SCRG1: variants seen among roughly 807,000 people sequenced by gnomAD.
SCRG1 encodes the protein scrapie-responsive protein 1.
In SCRG1, 3 loss-of-function variants were observed where a neutral mutation model predicts 7.7. The observed-to-expected ratio is 0.39, with a 90% confidence interval of 0.18 to 1.01. The LOEUF (loss-of-function observed/expected upper bound fraction) is 1.01, where lower values mean the gene tolerates loss of function less well. Among genes scored for constraint, SCRG1 ranks in the 50% least tolerant of loss-of-function variants. The pLI is 0.36. For missense variants in SCRG1, 110 were observed against 117.2 expected, an observed-to-expected ratio of 0.94 and a Z score of 0.28; for synonymous variants, 46 against 41.2, an observed-to-expected ratio of 1.12 and a Z score of -0.44.
At chr4:173,400,783 A>G (rs1305043694), upstream of SCRG1, among the ~76,000 whole-genome samples, 1 of 152,188 alleles carries the variant, frequency 6.6e-6, no homozygotes, top group Non-Finnish European at 1.5e-5. Flanking sequence ...AATCACACAC[A>G]CAGCCAGAAA....
At chr4:173,448,998 C>T in the SCRG1 span, among the ~76,000 whole-genome samples, 2 of 152,118 alleles carry the variant, frequency 1.3e-5, no homozygotes, top group Admixed American at 6.5e-5. Flanking sequence ...TAGCATTTTG[C>T]GATGTTGCTA....
Position 173,394,371 on chromosome 4 carries a change from G to T in SCRG1, c.-14-2943C>A, listed in dbSNP as rs542157294. Among the ~76,000 whole-genome samples the T allele has an allele frequency of 2.3e-4, 35 of 152,100 alleles. No individual in the cohort carries two copies. In the East Asian group the frequency reaches 3.5e-3, roughly 15 times the overall value. ...TAAAATATTTTATAATTGGCCAGGC[G>T]CAGTGGCTCACACCTGTAATCCCAG... On this transcript the variant is annotated intron_variant, in intron 1 of 2. Transcript: ENST00000296506.
chr4:173,476,359 A>ATATATATATATATATATAT, the SCRG1 span, among the ~76,000 whole-genome samples: 104 of 24,250 alleles, frequency 4.3e-3, no homozygotes, highest in East Asian at 0.016. Flanking sequence ...AGGGGGAAAA[A>ATATATATATATATATATAT]AAAAATATAT....
At chr4:173,476,354 G>GAAAAAAAAAAA in the SCRG1 span, among the ~76,000 whole-genome samples, 3 of 70,178 alleles carry the variant, frequency 4.3e-5, no homozygotes, top group Non-Finnish European at 8.8e-5. Flanking sequence ...CTCTGAGGGG[G>GAAAAAAAAAAA]AAAAAAAAAA....
chr4:173,490,875 A>G, the SCRG1 span, among the ~76,000 whole-genome samples: 1 of 152,134 alleles, frequency 6.6e-6, no homozygotes. Flanking sequence ...CTCCACAGGA[A>G]AGGAGTCTGC....
At chr4:173,516,780 G>C in the SCRG1 span, among the ~76,000 whole-genome samples, 2 of 152,174 alleles carry the variant, frequency 1.3e-5, no homozygotes, top group Non-Finnish European at 2.9e-5. Context: ...CTGACGTTAC[G>C]CAGAGGCGCA....
the SCRG1 span, among the ~76,000 whole-genome samples, chr4:173,465,603 A>AT: frequency 5.4e-4 from 81 of 150,976 alleles, no homozygotes; most frequent in East Asian, 5.1e-3. Context: ...AGGTGAGGGG[A>AT]TTTTTTTTAT....
the SCRG1 span, among the ~76,000 whole-genome samples, chr4:173,480,187 A>C: frequency 6.6e-6 from 1 of 152,148 alleles, no homozygotes; most frequent in Non-Finnish European, 1.5e-5. Flanking sequence ...ATTCTTCAAA[A>C]TGTGTAACCT....
chr4:173,442,259 C>T, the SCRG1 span, among the ~76,000 whole-genome samples: 2 of 152,048 alleles, frequency 1.3e-5, no homozygotes, highest in African/African-American at 4.8e-5. Context: ...AAAGAAGATC[C>T]TCATCTATAT....
chr4:173,426,231 T>C, the SCRG1 span, among the ~76,000 whole-genome samples: 1 of 152,238 alleles, frequency 6.6e-6, no homozygotes, highest in South Asian at 2.1e-4. Context: ...ACTACATCTG[T>C]AGAAGTGAGC....
At chr4:173,438,940 G>A in the SCRG1 span, among the ~76,000 whole-genome samples, 1 of 151,910 alleles carries the variant, frequency 6.6e-6, no homozygotes, top group African/African-American at 2.4e-5. Context: ...ACACCTACAT[G>A]GTTTCCAAGG....
chr4:173,449,826 C>T, the SCRG1 span, among the ~76,000 whole-genome samples: 1 of 152,262 alleles, frequency 6.6e-6, no homozygotes, highest in Admixed American at 6.5e-5. Context: ...TGAGATAATT[C>T]CTCCTGCACG....
At chr4:173,466,853 A>G in the SCRG1 span, among the ~76,000 whole-genome samples, 2 of 152,224 alleles carry the variant, frequency 1.3e-5, no homozygotes. Flanking sequence ...CGGAAATGTT[A>G]TGTTCATTTA....
chr4:173,498,144 G>A, the SCRG1 span, among the ~76,000 whole-genome samples: 1 of 152,280 alleles, frequency 6.6e-6, no homozygotes, highest in South Asian at 2.1e-4. Context: ...TTTGCCTAGA[G>A]ATTTTTGTTT....
the SCRG1 span, among the ~76,000 whole-genome samples, chr4:173,471,530 T>C: frequency 2.0e-5 from 3 of 151,964 alleles, no homozygotes; most frequent in African/African-American, 7.3e-5. Flanking sequence ...TATACTCCAA[T>C]GAGTATTTAA....
At chr4:173,400,238 C>T (rs1348975385), upstream of SCRG1, among the ~76,000 whole-genome samples, 1 of 152,126 alleles carries the variant, frequency 6.6e-6, no homozygotes, top group Non-Finnish European at 1.5e-5. Context: ...GACCTGATGA[C>T]CACTTAAGTG....
the SCRG1 span, among the ~76,000 whole-genome samples, chr4:173,506,130 G>T: frequency 6.6e-6 from 1 of 152,190 alleles, no homozygotes; most frequent in Non-Finnish European, 1.5e-5. The surrounding 1 kb of genome is among the most constrained non-coding windows in gnomAD (Gnocchi z 5.3). Context: ...AGGCAAGAAA[G>T]GTGACACTTG....
At chr4:173,398,889 T>A (rs1739676706) in intron 1 of SCRG1, among the ~76,000 whole-genome samples, 179 bp downstream of exon 1, 1 of 152,222 alleles carries the variant, frequency 6.6e-6, no homozygotes, top group African/African-American at 2.4e-5. Context: ...TTAATCTGAT[T>A]ATTTGCCTTT....
chr4:173,490,316 C>T, the SCRG1 span, among the ~76,000 whole-genome samples: 5,355 of 152,298 alleles, frequency 0.035, 334 homozygotes, highest in African/African-American at 0.12. Flanking sequence ...GGAAGGGTCA[C>T]TGACTTTTCA....
Sources: allele counts gnomAD v4.1 joint callset (sites outside exome capture counted in the v4.1 genomes callset), GRCh38; gene constraint gnomAD v4.1.1; non-coding constraint Gnocchi (gnomAD v3.1); transcripts MANE v1.5; gene names NCBI Gene and HGNC (gene_info 2026-07-23, HGNC 2026-07-21).